CLEC12A: variants seen among roughly 807,000 people sequenced by gnomAD.
CLEC12A encodes the protein C-type lectin protein CLL-1.
CLEC12A carries 22 observed loss-of-function variants against 26.5 expected under a neutral mutation model. The ratio of observed to expected loss-of-function variants is 0.83; its 90% CI spans 0.59 to 1.19. CLEC12A has a LOEUF of 1.19. CLEC12A is among the 50% of genes most tolerant of loss of function. The probability of loss-of-function intolerance (pLI) is 0.00; values close to 1 mark genes in which losing one functional copy is unlikely to be tolerated. For missense variants in CLEC12A, 353 were observed against 315.6 expected, an observed-to-expected ratio of 1.12 and a Z score of -0.90; for synonymous variants, 119 against 101.9, an observed-to-expected ratio of 1.17 and a Z score of -1.01.
downstream of CLEC12A, among the ~76,000 whole-genome samples, chr12:9,998,055 C>A (rs1364118604): frequency 6.6e-6 from 1 of 152,132 alleles, no homozygotes; most frequent in Non-Finnish European, 1.5e-5. Context: ...GCCAGTAGTA[C>A]ATTCTTAAAA....
intron 1 of CLEC12A, among the ~76,000 whole-genome samples, chr12:9,962,755 C>T (rs1238824254): frequency 6.6e-6 from 1 of 152,102 alleles, no homozygotes; most frequent in African/African-American, 2.4e-5. Context: ...AGTGGAATGT[C>T]ATCTGTTAAG....
At chr12:9,998,280 A>C, downstream of CLEC12A, 7 of 1,613,224 alleles carry the variant, frequency 4.3e-6, no homozygotes, top group Non-Finnish European at 5.9e-6. Flanking sequence ...GTCAACACTT[A>C]CACCAAATCC....
chr12:9,979,723 AG>A (rs1305648471), intron 3 of CLEC12A, among the ~76,000 whole-genome samples, 199 bp downstream of exon 3: 1 of 152,240 alleles, frequency 6.6e-6, no homozygotes, highest in Non-Finnish European at 1.5e-5. Context: ...TAACAACAAT[AG>A]GCCCCCAAAT....
intron 4 of CLEC12A, chr12:9,991,088 T>C (rs1864882726): frequency 6.6e-6 from 1 of 152,222 alleles, no homozygotes; most frequent in Non-Finnish European, 1.5e-5. Context: ...GTGACTCACT[T>C]TATTGCAATA....
chr12:9,996,084 A>G (rs1399894746), downstream of CLEC12A, among the ~76,000 whole-genome samples: 2 of 152,208 alleles, frequency 1.3e-5, no homozygotes, highest in Non-Finnish European at 2.9e-5. Flanking sequence ...TAAATAAAAA[A>G]TGACTTGAGC....
At chr12:9,953,096 C>A in intron 1 of CLEC12A, 1 of 147,968 alleles carries the variant, frequency 6.8e-6, no homozygotes, top group South Asian at 2.2e-4. Flanking sequence ...GGGGGGTTAG[C>A]CCTCCGCCCG....
At chr12:9,954,412 C>T (rs1227007024) in intron 1 of CLEC12A, among the ~76,000 whole-genome samples, 1 of 151,850 alleles carries the variant, frequency 6.6e-6, no homozygotes, top group African/African-American at 2.4e-5. Flanking sequence ...GGAGGATTAC[C>T]TGAGCCTGGG....
downstream of CLEC12A, among the ~76,000 whole-genome samples, chr12:9,986,566 G>A (rs542689399): frequency 6.6e-6 from 1 of 152,218 alleles, no homozygotes; most frequent in African/African-American, 2.4e-5. Context: ...ATCCCAGCAC[G>A]TTGGGAGGCC....
downstream of CLEC12A, chr12:9,996,640 G>A (rs537276963): frequency 5.3e-5 from 36 of 677,726 alleles, no homozygotes; most frequent in South Asian, 4.7e-4. Flanking sequence ...AAGTCAATTT[G>A]ACTGATCAAC....
At chr12:9,965,503 G>A (rs1441196478) in intron 1 of CLEC12A, among the ~76,000 whole-genome samples, 1 of 151,054 alleles carries the variant, frequency 6.6e-6, no homozygotes, top group East Asian at 2.0e-4. Flanking sequence ...CCAAGTGAAA[G>A]TGAAGAGAGG....
At chr12:9,970,667 G>C (rs184346176), upstream of CLEC12A, among the ~76,000 whole-genome samples, 3 of 118,786 alleles carry the variant, frequency 2.5e-5, no homozygotes, top group South Asian at 7.4e-4. Flanking sequence ...TGATAGCTTA[G>C]CTGAGGAGGA....
Position 9,979,403 on chromosome 12 carries a change from G to T in CLEC12A, c.258G>T (p.Gln86His). The change falls in exon 3 of 6, where the codon CAG becomes CAT. Residue 86 changes from glutamine to histidine, a missense_variant. Transcript: ENST00000304361. Reference protein sequence around the residue: ...NKLQNISEELQRNISLQLMSN... With the variant: ...NKLQNISEELHRNISLQLMSN... ...TACAAAACATCAGTGAAGAGCTCCA[G>T]AGAAATATTTCTCTACAACTGATGA... 6.2e-7 allele frequency: 1 copy of T among 1,611,372 alleles called. No individual in the cohort carries two copies. Among genetic ancestry groups the T allele is most frequent in the South Asian group, 1.1e-5 (1 of 90,856 alleles).
downstream of CLEC12A, chr12:9,997,386 G>T: frequency 1.1e-6 from 1 of 944,650 alleles, no homozygotes; most frequent in Non-Finnish European, 1.6e-6. Context: ...TATATGAGGA[G>T]TTTACTAGAT....
At chr12:9,984,817 A>C in intron 5 of CLEC12A, 53 bp from the exon 6 acceptor site, 1 of 1,368,602 alleles carries the variant, frequency 7.3e-7, no homozygotes, top group Non-Finnish European at 9.5e-7. Flanking sequence ...TTTTCTGTGA[A>C]TATGTTTCAA....
At chr12:10,002,440 G>GT in the CLEC12A span, among the ~76,000 whole-genome samples, 22,847 of 40,476 alleles carry the variant, frequency 0.56, 8,587 homozygotes, top group Non-Finnish European at 0.67. Flanking sequence ...GTTGGGTAAT[G>GT]TTTTTTTTTT....
chr12:9,953,467 GC>G (rs761677882), intron 1 of CLEC12A: 1 of 86,066 alleles, frequency 1.2e-5, no homozygotes, highest in African/African-American at 3.2e-5. Context: ...GGGGGGGTCA[GC>G]CCCCCCGCCC....
upstream of CLEC12A, among the ~76,000 whole-genome samples, chr12:9,971,128 C>T (rs981962655): frequency 1.3e-5 from 2 of 152,074 alleles, no homozygotes; most frequent in African/African-American, 4.8e-5. Context: ...TGCCAGGCCA[C>T]AGCTGCAGAT....
At chr12:9,985,981 C>A, downstream of CLEC12A, 1 of 193,782 alleles carries the variant, frequency 5.2e-6, no homozygotes, top group Non-Finnish European at 1.1e-5. Context: ...TTAAAACCAG[C>A]CCTTACAATC....
downstream of CLEC12A, chr12:9,997,373 C>A: frequency 8.5e-7 from 1 of 1,172,748 alleles, no homozygotes; most frequent in Non-Finnish European, 1.2e-6. Flanking sequence ...TTAACTTTGC[C>A]AATATATGAG....
Sources: allele counts gnomAD v4.1 joint callset (sites outside exome capture counted in the v4.1 genomes callset), GRCh38; gene constraint gnomAD v4.1.1; transcripts MANE v1.5; gene names NCBI Gene and HGNC (gene_info 2026-07-23, HGNC 2026-07-21).